XPNPEP3: variants seen among roughly 807,000 people sequenced by gnomAD.
The protein encoded by XPNPEP3 is xaa-Pro aminopeptidase 3.
In XPNPEP3, 41 loss-of-function variants were observed where a neutral mutation model predicts 60.0. The observed-to-expected ratio is 0.68, with a 90% CI of 0.53 to 0.89. The LOEUF (loss-of-function observed/expected upper bound fraction) is 0.89. Ranked by LOEUF, XPNPEP3 falls within the 40% of genes least tolerant of loss-of-function variation. The probability of loss-of-function intolerance (pLI) is 0.00; values close to 1 mark genes in which losing one functional copy is unlikely to be tolerated. For missense variants in XPNPEP3, 598 were observed against 638.9 expected (o/e 0.94, Z 0.69); for synonymous variants, 212 against 223.2 (o/e 0.95, Z 0.45).
rs2058161729 is a variant in XPNPEP3, at chr22:40,907,681, G to C, written c.855+32G>C. 3 of 1,591,828 alleles carry C rather than the reference G, an allele frequency of 1.9e-6. No homozygotes were observed. The Admixed American group carries it at 5.0e-5, about 27-fold the overall frequency. On this transcript the variant is annotated intron_variant, in intron 5 of 9. Transcript: ENST00000357137. ...TTCAGATGGTTAGCTTCACCATCTT[G>C]TTGGAGGTGAATATAATAATTTGAT...
At chr22:40,907,452 C>A in intron 4 of XPNPEP3, 135 bp from the exon 5 acceptor site, 1 of 849,360 alleles carries the variant, frequency 1.2e-6, no homozygotes, top group East Asian at 2.5e-5. Context: ...GTATTATTAC[C>A]CCCAGTAGGT....
chr22:40,919,972 A>G (rs2058210384), intron 7 of XPNPEP3, among the ~76,000 whole-genome samples: 1 of 152,242 alleles, frequency 6.6e-6, no homozygotes, highest in Non-Finnish European at 1.5e-5. Context: ...ACAAAAGAGT[A>G]TATATTATAT....
At position 40,857,195 on chromosome 22, in the gene XPNPEP3, T is replaced by C; in HGVS notation, c.14T>C (p.Leu5Pro). ...AGTTAGGCCGTAATGCCTTGGCTGCTCTCAGCCCCCAAGCTGGTTCCCGCT... is the reference window on the plus strand; with the variant it reads ...AGTTAGGCCGTAATGCCTTGGCTGCCCTCAGCCCCCAAGCTGGTTCCCGCT... MPWL[L>P]SAPKLVPAVA... Residue 5 changes from leucine (L) to proline (P), a missense_variant, in exon 1 of 10, where the codon CTC (leucine) becomes CCC (proline). Leu to Pro is a moderately conservative substitution (Grantham distance 98, BLOSUM62 -3). Coordinates refer to ENST00000357137, the MANE Select transcript of XPNPEP3 (RefSeq NM_022098.4). 1.2e-6 allele frequency: 2 copies of C among 1,614,212 alleles called. No homozygotes were observed. Among genetic ancestry groups the C allele is most frequent in the Non-Finnish European group, 1.7e-6 (2 of 1,180,042 alleles).
At chr22:40,878,707 C>G (rs1356619989) in intron 2 of XPNPEP3, among the ~76,000 whole-genome samples, 1 of 151,986 alleles carries the variant, frequency 6.6e-6, no homozygotes, top group Non-Finnish European at 1.5e-5. Flanking sequence ...CTGCCTCACC[C>G]TCCCAAGTAG....
chr22:40,895,185 C>T (rs2058102968), intron 4 of XPNPEP3, among the ~76,000 whole-genome samples: 1 of 152,200 alleles, frequency 6.6e-6, no homozygotes, highest in African/African-American at 2.4e-5. Context: ...GAAAAGACTA[C>T]TTGCTCATGA....
intron 4 of XPNPEP3, among the ~76,000 whole-genome samples, chr22:40,903,168 T>C (rs1028163413): frequency 2.6e-5 from 4 of 152,206 alleles, no homozygotes; most frequent in African/African-American, 7.2e-5. Flanking sequence ...CAAATCAGTG[T>C]CATACAGGAA....
chr22:40,909,029 G>C, intron 5 of XPNPEP3, 93 bp from the exon 6 acceptor site: 1 of 929,616 alleles, frequency 1.1e-6, no homozygotes, highest in South Asian at 1.3e-5. Flanking sequence ...CTTAAGATAA[G>C]TACTGGTATG....
intron 6 of XPNPEP3, among the ~76,000 whole-genome samples, chr22:40,911,805 G>T (rs568401764): frequency 6.0e-4 from 92 of 152,256 alleles, no homozygotes; most frequent in African/African-American, 2.1e-3. Context: ...CTCCCAAAGC[G>T]CTGGGATTAC....
intron 2 of XPNPEP3, chr22:40,870,288 A>G (rs2057998675): frequency 3.4e-6 from 1 of 297,196 alleles, no homozygotes; most frequent in South Asian, 2.8e-5. Context: ...ATATTTTTAC[A>G]TGGTAAGCTG....
chr22:40,868,428 C>CGTGTGTGT (rs35513572), intron 1 of XPNPEP3, among the ~76,000 whole-genome samples: 17 of 144,676 alleles, frequency 1.2e-4, no homozygotes, highest in African/African-American at 3.3e-4. Flanking sequence ...TATATGTGTG[C>CGTGTGTGT]GTGTGTGTGT....
At chr22:40,876,409 T>TA (rs1346472762) in intron 2 of XPNPEP3, among the ~76,000 whole-genome samples, 1 of 152,244 alleles carries the variant, frequency 6.6e-6, no homozygotes. Flanking sequence ...TGCTAAGTGT[T>TA]ACGTTTTAAG....
chr22:40,858,522 C>CTTT lies in XPNPEP3; in HGVS notation c.64+1299_64+1301dup, dbSNP rs34319696. Among the ~76,000 whole-genome samples the CTTT allele has an allele frequency of 2.7e-3, 230 of 85,500 alleles. 1 individual carries two copies. The highest frequency in any genetic ancestry group is 3.8e-3 in the African/African-American group (74 of 19,728). 56.1% of individuals were successfully genotyped at this position (85,500 alleles called of 152,430 possible). On this transcript the variant is annotated intron_variant, in intron 1 of 9. Transcript: ENST00000357137. ...CAATCGTTTAGTATGGCTGGAGAAG[C>CTTT]TTTTTTTTTTTTTTTTTTTTTTTTG...
At position 40,921,507 on chromosome 22, in the gene XPNPEP3, C is replaced by A. The variant is rs981229952; in HGVS notation, c.1056-826C>A. 2.5e-3 allele frequency among the ~76,000 whole-genome samples: 345 copies of A among 137,694 alleles called. 3 individuals carry two copies. Among genetic ancestry groups the A allele is most frequent in the African/African-American group, 8.7e-3 (325 of 37,264 alleles). The allele number at this position is 137,694 out of a possible 152,430, so 90.3% of individuals were successfully genotyped here. ...TCTCTAAAAAAAAAAAAAAAAAAAA[C>A]TATTACAAAAATGATTATTTAGTAA... is the stretch of plus-strand genomic sequence containing the variant. On this transcript the variant is annotated intron_variant, in intron 7 of 9. Coordinates refer to ENST00000357137, the MANE Select transcript of XPNPEP3 (RefSeq NM_022098.4).
At chr22:40,861,186 A>C in intron 1 of XPNPEP3, 1 of 1,614,094 alleles carries the variant, frequency 6.2e-7, no homozygotes, top group Non-Finnish European at 8.5e-7. Flanking sequence ...AACCCAAGAT[A>C]TACCTCCCTC....
In XPNPEP3 at chr22:40,926,760, C is replaced by T. The variant is rs2058235914; in HGVS notation, c.*325C>T. ...ATGCATTCCAGTTAACACATTTAAA[C>T]ATATAGAAAATTCACTTCTTCTTTC... On this transcript the variant is annotated 3_prime_UTR_variant, in exon 10 of 10. Coordinates refer to ENST00000357137, the MANE Select transcript of XPNPEP3 (RefSeq NM_022098.4). 1 of 361,258 alleles carries T rather than the reference C, an allele frequency of 2.8e-6. No individual in the cohort carries two copies. Among genetic ancestry groups the T allele is most frequent in the African/African-American group, 2.1e-5 (1 of 47,634 alleles). The allele number at this position is 361,258 out of a possible 1,614,324, so 22.4% of individuals were successfully genotyped here. A position where few individuals can be genotyped will look rare whatever the true frequency, so the allele number is the denominator to read the frequency against.
rs1601525097 is a variant in XPNPEP3, at chr22:40,929,149, A to C, written c.*2714A>C. 6.6e-6 allele frequency: 1 copy of C among 151,856 alleles called. No homozygotes were observed. The highest frequency in any genetic ancestry group is 6.6e-5 in the Admixed American group (1 of 15,216). The allele number at this position is 151,856 out of a possible 1,614,324, so 9.4% of individuals were successfully genotyped here. A position where few individuals can be genotyped will look rare whatever the true frequency, so the allele number is the denominator to read the frequency against. On this transcript the variant is annotated 3_prime_UTR_variant, in exon 10 of 10. Coordinates refer to ENST00000357137, the MANE Select transcript of XPNPEP3 (RefSeq NM_022098.4). ...TCCTTTGTTCATTTGTAATCCAGGAATAAGGAATTTCCTTTTCTTCTTGTA... is the reference window on the plus strand; with the variant it reads ...TCCTTTGTTCATTTGTAATCCAGGACTAAGGAATTTCCTTTTCTTCTTGTA...
chr22:40,872,340 A>G (rs2058009336), intron 2 of XPNPEP3, among the ~76,000 whole-genome samples: 1 of 152,142 alleles, frequency 6.6e-6, no homozygotes, highest in Non-Finnish European at 1.5e-5. Context: ...GTATCGGTAG[A>G]GATGGAAAAT....
intron 3 of XPNPEP3, 71 bp from the exon 4 acceptor site, chr22:40,886,242 G>A (rs553651058): frequency 1.3e-5 from 19 of 1,496,922 alleles, no homozygotes; most frequent in African/African-American, 4.1e-5. Flanking sequence ...TGTTCAAGTC[G>A]TTATGACAGT....
chr22:40,886,921 C>T (rs1305875694), intron 4 of XPNPEP3, among the ~76,000 whole-genome samples: 2 of 151,984 alleles, frequency 1.3e-5, no homozygotes, highest in Non-Finnish European at 2.9e-5. Flanking sequence ...GCAGCAGTCT[C>T]CTCACCGCAG....
Sources: allele counts gnomAD v4.1 joint callset (sites outside exome capture counted in the v4.1 genomes callset), GRCh38; gene constraint gnomAD v4.1.1; transcripts MANE v1.5; gene names NCBI Gene and HGNC (gene_info 2026-07-23, HGNC 2026-07-21).